The following MSANTD2 variants were observed in gnomAD, a reference collection of about 807,000 sequenced individuals.
MSANTD2 encodes myb/SANT-like DNA-binding domain-containing protein 2.
MSANTD2 carries 19 observed loss-of-function variants against 52.6 expected under a neutral mutation model. That is an observed-to-expected ratio of 0.36 (90% CI 0.25 to 0.53). MSANTD2 has a LOEUF of 0.53. Among genes scored for constraint, MSANTD2 ranks in the 20% least tolerant of loss-of-function variants. The pLI is 0.91. For synonymous variants in MSANTD2, 291 were observed against 289.7 expected, an observed-to-expected ratio of 1.00 and a Z score of -0.04; for missense variants, 558 against 716.3, an observed-to-expected ratio of 0.78 and a Z score of 2.52.
At chr11:124,796,281 T>C (rs1945489905) in intron 1 of MSANTD2, among the ~76,000 whole-genome samples, 1 of 152,184 alleles carries the variant, frequency 6.6e-6, no homozygotes, top group Non-Finnish European at 1.5e-5. Flanking sequence ...AAGGGTGCAA[T>C]AAGGCTCAGC....
intron 1 of MSANTD2, among the ~76,000 whole-genome samples, chr11:124,781,113 G>A (rs1944948094): frequency 6.6e-6 from 1 of 151,622 alleles, no homozygotes; most frequent in South Asian, 2.1e-4. Context: ...AACCTGAGAG[G>A]TGGAGGTTGC....
In MSANTD2 at chr11:124,799,961, G is replaced by A. The variant is rs1945636992; in HGVS notation, c.420C>T (p.Ala140=). ...EGAGTVFGSK[A]PGPAMYERVS... is the part of the protein sequence containing the mutation. ...CGCGCTCGTACATGGCTGGCCCGGG[G>A]GCCTTGCTGCCGAACACCGTGCCGG... Residue 140 remains alanine, a synonymous_variant, in exon 1 of 4, where the codon GCC becomes GCT. Coordinates refer to ENST00000374979, the MANE Select transcript of MSANTD2 (RefSeq NM_001308027.2). 2.5e-6 allele frequency: 4 copies of A among 1,585,432 alleles called. No individual in the cohort carries two copies. The highest frequency in any genetic ancestry group is 1.1e-5 in the South Asian group (1 of 89,264).
At chr11:124,796,718 T>G (rs999990405) in intron 1 of MSANTD2, among the ~76,000 whole-genome samples, 14 of 152,210 alleles carry the variant, frequency 9.2e-5, no homozygotes, top group Non-Finnish European at 1.6e-4. Flanking sequence ...CACATGTACT[T>G]TAGTCTGCGT....
Position 124,800,181 on chromosome 11 carries a change from C to A in MSANTD2, c.200G>T (p.Gly67Val). The A allele has an allele frequency of 2.0e-6, 3 of 1,469,512 alleles. No individual in the cohort carries two copies. The highest frequency in any genetic ancestry group is 2.7e-6 in the Non-Finnish European group (3 of 1,114,974). 91.0% of individuals were successfully genotyped at this position (1,469,512 alleles called of 1,614,324 possible). A position where few individuals can be genotyped will look rare whatever the true frequency, so the allele number is the denominator to read the frequency against. Residue 67 changes from glycine to valine, a missense_variant, in exon 1 of 4, where the codon GGG becomes GTG. This residue lies in a region of MSANTD2 where 150 missense variants were observed against 142.7 expected (regional missense o/e 1.05). Transcript: ENST00000374979. The surrounding 1 kb of genome is among the most constrained non-coding windows in gnomAD (Gnocchi z 4.3). ...GGCGCTGCGGCCCCCCAGCCCCAGC[C>A]CGAGACCCCCGGACGCCGCTGCCCC... ...GSGAAASGGL[G>V]LGLGGRSAAS... is the part of the protein sequence containing the mutation.
intron 1 of MSANTD2, chr11:124,792,320 C>A (rs1016127689): frequency 6.6e-5 from 10 of 152,234 alleles, no homozygotes; most frequent in Non-Finnish European, 1.2e-4. Context: ...ACCACTAAGG[C>A]ATCATTTACG....
Position 124,774,967 on chromosome 11 carries a change from C to T in MSANTD2, c.518G>A (p.Arg173His), listed in dbSNP as rs1371662362. The part of the protein sequence containing the change: ...SQCRERIKTL[R>H]RCYSRVKEHG... The stretch of plus-strand genomic sequence containing the variant: ...TTCTTTCACCCGACTGTAACACCTG[C>T]GAAGGGTCTAAGACACAAAGTCTTT... Residue 173 changes from arginine to histidine, a missense_variant, in exon 2 of 4, where the codon CGC becomes CAC. Physicochemically the swap from Arg to His is conservative, Grantham distance 29 (BLOSUM62 0). Coordinates refer to ENST00000374979, the MANE Select transcript of MSANTD2 (RefSeq NM_001308027.2). The surrounding 1 kb of genome is among the most constrained non-coding windows in gnomAD (Gnocchi z 5.1). 3 of 1,551,330 alleles carry T rather than the reference C, an allele frequency of 1.9e-6. No homozygotes were observed. Among genetic ancestry groups the T allele is most frequent in the East Asian group, 2.4e-5 (1 of 42,036 alleles).
intron 1 of MSANTD2, among the ~76,000 whole-genome samples, chr11:124,778,326 A>C (rs1944824547): frequency 6.6e-6 from 1 of 152,186 alleles, no homozygotes; most frequent in Admixed American, 6.5e-5. Flanking sequence ...CTTAAGCTTA[A>C]TAGTTTCTAA....
intron 1 of MSANTD2, among the ~76,000 whole-genome samples, chr11:124,794,037 TTC>T (rs1226630882): frequency 1.3e-5 from 2 of 152,206 alleles, no homozygotes; most frequent in South Asian, 2.1e-4. Flanking sequence ...AATTTAAAAT[TTC>T]TGTTTCTCAG....
intron 3 of MSANTD2, 114 bp downstream of exon 3, chr11:124,772,880 C>G: frequency 1.4e-6 from 1 of 702,214 alleles, no homozygotes; most frequent in Middle Eastern, 2.3e-4. Context: ...AATAGACATG[C>G]CTCCTTGGTG....
chr11:124,782,628 T>C (rs1466626281), intron 1 of MSANTD2, among the ~76,000 whole-genome samples: 1 of 152,196 alleles, frequency 6.6e-6, no homozygotes, highest in Non-Finnish European at 1.5e-5. Context: ...GAAACTTTAA[T>C]GTTTCCTAAG....
At chr11:124,787,556 T>A (rs1945200288) in intron 1 of MSANTD2, among the ~76,000 whole-genome samples, 1 of 152,182 alleles carries the variant, frequency 6.6e-6, no homozygotes, top group African/African-American at 2.4e-5. Context: ...AATTTTTGTA[T>A]TTTTAGTAGA....
At chr11:124,793,700 G>T (rs1052103308) in intron 1 of MSANTD2, among the ~76,000 whole-genome samples, 1 of 152,158 alleles carries the variant, frequency 6.6e-6, no homozygotes, top group Non-Finnish European at 1.5e-5. Context: ...TATTGGACAG[G>T]GCTGTCCTAG....
rs1304305359 is a variant in MSANTD2 at position 124,779,603 on chromosome 11, G to A, written c.511-4629C>T. ...AACATTGGCTTGATCAGTCTAAGAT[G>A]TCAGATGAAAAATAAAGTCAATCTG... On this transcript the variant is annotated intron_variant, in intron 1 of 3. Coordinates refer to ENST00000374979, the MANE Select transcript of MSANTD2 (RefSeq NM_001308027.2). This position sits in a 1 kb window ranked among gnomAD's most constrained non-coding sequence, Gnocchi z 4.6. Among the ~76,000 whole-genome samples the A allele has an allele frequency of 4.6e-5, 7 of 152,328 alleles. No individual in the cohort carries two copies. The highest frequency in any genetic ancestry group is 1.4e-4 in the African/African-American group (6 of 41,568).
intron 1 of MSANTD2, among the ~76,000 whole-genome samples, chr11:124,786,102 T>C (rs201232188): frequency 8.6e-6 from 1 of 116,542 alleles, no homozygotes; most frequent in Non-Finnish European, 1.9e-5. Context: ...CTTCTTTTTT[T>C]TTTTTTTTTT....
intron 1 of MSANTD2, chr11:124,783,678 T>C (rs925669361): frequency 1.0e-6 from 1 of 952,500 alleles, no homozygotes. Flanking sequence ...AAATATAAAA[T>C]TCAGGAAATT....
At chr11:124,791,046 C>T (rs1945315528) in intron 1 of MSANTD2, 2 of 498,570 alleles carry the variant, frequency 4.0e-6, no homozygotes, top group Admixed American at 6.5e-5. Flanking sequence ...AAGTTGTGAC[C>T]ACCTTTCTAA....
chr11:124,784,441 A>G (rs1024065726), intron 1 of MSANTD2: 8 of 985,044 alleles, frequency 8.1e-6, no homozygotes, highest in African/African-American at 1.8e-5. Flanking sequence ...ACCCTCCACT[A>G]CGAACTAATT....
intron 1 of MSANTD2, among the ~76,000 whole-genome samples, chr11:124,798,130 C>T (rs980797750): frequency 3.3e-5 from 5 of 150,666 alleles, no homozygotes; most frequent in African/African-American, 7.4e-5. Flanking sequence ...TGGCTGGGCA[C>T]GGTGGCTCAC....
At chr11:124,796,769 G>A (rs575461332) in intron 1 of MSANTD2, among the ~76,000 whole-genome samples, 4 of 152,088 alleles carry the variant, frequency 2.6e-5, no homozygotes, top group African/African-American at 4.8e-5. Context: ...TTACTACTTT[G>A]CTTCTATTTT....
Sources: allele counts gnomAD v4.1 joint callset (sites outside exome capture counted in the v4.1 genomes callset), GRCh38; gene constraint gnomAD v4.1.1; regional missense constraint gnomAD v4.1.1; non-coding constraint Gnocchi (gnomAD v3.1); transcripts MANE v1.5; gene names NCBI Gene and HGNC (gene_info 2026-07-23, HGNC 2026-07-21).